Variants in STAMBP observed in about 807,000 individuals in gnomAD.
The protein encoded by STAMBP is STAM binding protein, also known as STAM-binding protein.
STAMBP carries 31 observed loss-of-function variants against 50.7 expected under a neutral mutation model. The ratio of observed to expected loss-of-function variants is 0.61; its 90% CI spans 0.46 to 0.83. The LOEUF (loss-of-function observed/expected upper bound fraction) is 0.83, where lower values mean the gene tolerates loss of function less well. Among genes scored for constraint, STAMBP ranks in the 40% least tolerant of loss-of-function variants. The pLI, the probability that STAMBP is intolerant of heterozygous loss-of-function variation, is 0.00. For synonymous variants in STAMBP, 211 were observed against 192.4 expected (o/e 1.10, Z -0.80); for missense variants, 472 against 518.9 (o/e 0.91, Z 0.88).
At chr2:73,872,625 C>T (rs1367607745) in intron 10 of STAMBP, among the ~76,000 whole-genome samples, 1 of 152,202 alleles carries the variant, frequency 6.6e-6, no homozygotes, top group Non-Finnish European at 1.5e-5. Context: ...TGAGCACCAA[C>T]TTTATCCCGA....
intron 4 of STAMBP, 132 bp from the exon 5 acceptor site, chr2:73,847,255 T>C: frequency 2.6e-6 from 3 of 1,142,600 alleles, no homozygotes; most frequent in Non-Finnish European, 3.7e-6. Flanking sequence ...GAGGAAAGCA[T>C]GAATTCTGTG....
chr2:73,833,011 C>T (rs1447604143), intron 2 of STAMBP, among the ~76,000 whole-genome samples: 4 of 152,212 alleles, frequency 2.6e-5, no homozygotes, highest in African/African-American at 7.2e-5. Flanking sequence ...GAAAAAGGTT[C>T]AGGGAACACT....
chr2:73,846,898 A>G (rs1297340266), intron 4 of STAMBP, among the ~76,000 whole-genome samples: 4 of 152,070 alleles, frequency 2.6e-5, no homozygotes, highest in African/African-American at 7.2e-5. Context: ...CCTGGGCAAC[A>G]TGGCGAAACC....
downstream of STAMBP, among the ~76,000 whole-genome samples, chr2:73,871,934 A>G (rs1679216377): frequency 6.6e-6 from 1 of 151,600 alleles, no homozygotes; most frequent in Admixed American, 6.6e-5. Flanking sequence ...TGCCTGGCTA[A>G]TTTTTGTATT....
chr2:73,843,191 C>CTTT (rs34680117), intron 2 of STAMBP, among the ~76,000 whole-genome samples: 36 of 129,866 alleles, frequency 2.8e-4, no homozygotes, highest in African/African-American at 9.4e-4. Flanking sequence ...TTATATCTTT[C>CTTT]TTTTTTTTTT....
chr2:73,847,802 G>GT, intron 5 of STAMBP, 49 bp downstream of exon 5: 1 of 1,570,130 alleles, frequency 6.4e-7, no homozygotes. Flanking sequence ...CAGCCAAACA[G>GT]TATCATTCTG....
intron 4 of STAMBP, among the ~76,000 whole-genome samples, chr2:73,846,910 T>G (rs1676155031): frequency 6.6e-6 from 1 of 151,898 alleles, no homozygotes; most frequent in Non-Finnish European, 1.5e-5. Context: ...GGCGAAACCC[T>G]GTCTCTACAA....
Position 73,864,087 on chromosome 2 carries a change from C to CA in STAMBP, c.*1829dup, listed in dbSNP as rs1319028605. 1 of 152,154 alleles carries CA rather than the reference C, an allele frequency of 6.6e-6. No homozygotes were observed. The highest frequency in any genetic ancestry group is 1.5e-5 in the Non-Finnish European group (1 of 68,028). The allele number at this position is 152,154 out of a possible 1,614,324, so 9.4% of individuals were successfully genotyped here. A position where few individuals can be genotyped will look rare whatever the true frequency, so the allele number is the denominator to read the frequency against. On this transcript the variant is annotated 3_prime_UTR_variant, in exon 10 of 10. Transcript: ENST00000394070. ...ATACTGATGCCTGTGTTCTACCCCC[C>CA]ACCAATTAAAGCTGAATCTCTAGGG...
chr2:73,860,949 C>T (rs562908216), intron 9 of STAMBP, among the ~76,000 whole-genome samples: 3 of 152,304 alleles, frequency 2.0e-5, no homozygotes, highest in Admixed American at 2.0e-4. Flanking sequence ...GTATATTTCA[C>T]GTCACTCCTA....
At position 73,860,101 on chromosome 2, in the gene STAMBP, T is replaced by G. The variant is rs1432457327; in HGVS notation, c.1168T>G (p.Cys390Gly). 6.2e-7 allele frequency: 1 copy of G among 1,613,726 alleles called. No homozygotes were observed. The highest frequency in any genetic ancestry group is 2.2e-5 in the East Asian group (1 of 44,890). Residue 390 changes from cysteine (C) to glycine (G), a missense_variant, in exon 9 of 10, where the codon TGT (cysteine) becomes GGT (glycine). Coordinates refer to ENST00000394070, the MANE Select transcript of STAMBP (RefSeq NM_213622.4). The stretch of plus-strand genomic sequence containing the variant: ...CCATGGACTAGAGGAGATTTCTTCC[T>G]GTCGCCAGAAAGGATTTCATCCACA... The part of the protein sequence containing the change: ...TDHGLEEISS[C>G]RQKGFHPHSK...
downstream of STAMBP, among the ~76,000 whole-genome samples, chr2:73,868,471 A>T (rs1437474124): frequency 6.6e-6 from 1 of 152,112 alleles, no homozygotes; most frequent in African/African-American, 2.4e-5. Flanking sequence ...AAATCCACTG[A>T]TATAATATAT....
chr2:73,835,353 CAAA>C (rs71406834), intron 2 of STAMBP, among the ~76,000 whole-genome samples: 2 of 87,390 alleles, frequency 2.3e-5, no homozygotes. Context: ...GACTCGGTCT[CAAA>C]AAAAAAAAAA....
chr2:73,850,558 A>C lies in STAMBP; in HGVS notation c.1005+45A>C. ...CCGAGAGTTAGTCTCTGCCTCTCCC[A>C]TGGTGGTATAAATACATGAGTGTTT... is the stretch of plus-strand genomic sequence containing the variant. On this transcript the variant is annotated intron_variant, in intron 7 of 9. Transcript: ENST00000394070. The surrounding 1 kb of genome is among the most constrained non-coding windows in gnomAD (Gnocchi z 4.3). 1 of 1,582,106 alleles carries C rather than the reference A, an allele frequency of 6.3e-7. No homozygotes were observed. The highest frequency in any genetic ancestry group is 8.6e-7 in the Non-Finnish European group (1 of 1,164,620).
chr2:73,869,497 C>T (rs1230682169), downstream of STAMBP, among the ~76,000 whole-genome samples: 2 of 152,132 alleles, frequency 1.3e-5, no homozygotes, highest in East Asian at 3.8e-4. Context: ...TAAAAAGTAT[C>T]ATTTTTTAAC....
chr2:73,839,639 A>G (rs1223398554), intron 2 of STAMBP, among the ~76,000 whole-genome samples: 1 of 152,244 alleles, frequency 6.6e-6, no homozygotes. Flanking sequence ...TTCATACAAA[A>G]TTAACACTTA....
At position 73,862,995 on chromosome 2, in the gene STAMBP, G is replaced by A. The variant is rs1255441758; in HGVS notation, c.*736G>A. 1 of 152,184 alleles carries A rather than the reference G, an allele frequency of 6.6e-6. No individual in the cohort carries two copies. Among genetic ancestry groups the A allele is most frequent in the African/African-American group, 2.4e-5 (1 of 41,450 alleles). 9.4% of individuals were successfully genotyped at this position (152,184 alleles called of 1,614,324 possible). On this transcript the variant is annotated 3_prime_UTR_variant, in exon 10 of 10. Coordinates refer to ENST00000394070, the MANE Select transcript of STAMBP (RefSeq NM_213622.4). ...GGAAAAATGGAATTTGAGATATACT[G>A]ACACTGATGGTGTGTCCCAGTTCAC... is the stretch of plus-strand genomic sequence containing the variant.
Position 73,847,611 on chromosome 2 carries a change from G to A in STAMBP, c.600G>A (p.Leu200=). The A allele has an allele frequency of 6.2e-7, 1 of 1,614,170 alleles. No individual in the cohort carries two copies. The highest frequency in any genetic ancestry group is 1.1e-5 in the South Asian group (1 of 91,080). ...PGLGGPLVPD[L]EKPSLDVFPT... Reference sequence around the variant, plus strand: ...TAGGTGGCCCGCTAGTGCCTGACTTGGAGAAGCCCTCCTTAGATGTGTTCC... The same window carrying A: ...TAGGTGGCCCGCTAGTGCCTGACTTAGAGAAGCCCTCCTTAGATGTGTTCC... The change falls in exon 5 of 10, where the codon TTG becomes TTA. Residue 200 remains leucine, a synonymous_variant. Transcript: ENST00000394070.
intron 7 of STAMBP, among the ~76,000 whole-genome samples, chr2:73,851,637 A>ATTTT (rs61483994): frequency 7.4e-6 from 1 of 135,688 alleles, no homozygotes; most frequent in Non-Finnish European, 1.6e-5. Context: ...ACAGTGGTAG[A>ATTTT]TTTTTTTTTT....
Position 73,850,281 on chromosome 2 carries a change from T to C in STAMBP, c.868-95T>C. 6.8e-7 allele frequency: 1 copy of C among 1,481,282 alleles called. No homozygotes were observed. The highest frequency in any genetic ancestry group is 9.0e-7 in the Non-Finnish European group (1 of 1,107,094). 91.8% of individuals were successfully genotyped at this position (1,481,282 alleles called of 1,614,324 possible). On this transcript the variant is annotated intron_variant, in intron 6 of 9. Coordinates refer to ENST00000394070, the MANE Select transcript of STAMBP (RefSeq NM_213622.4). The surrounding 1 kb of genome is among the most constrained non-coding windows in gnomAD (Gnocchi z 4.3). ...CCTGCTGTGTGGGAAGGGCTTTCACTTGTATAGATGCTTACCTTTCCACTG... is the reference window on the plus strand; with the variant it reads ...CCTGCTGTGTGGGAAGGGCTTTCACCTGTATAGATGCTTACCTTTCCACTG...
Sources: gnomAD v4.1 joint callset for allele counts (sites outside exome capture counted in the v4.1 genomes callset) on GRCh38, gnomAD v4.1.1 for gene constraint, Gnocchi (gnomAD v3.1) non-coding constraint, MANE v1.5 for transcripts, NCBI Gene and HGNC (gene_info 2026-07-23, HGNC 2026-07-21) for gene names.